The following CSMD3 variants were observed in gnomAD, a reference collection of about 807,000 sequenced individuals.
The protein encoded by CSMD3 is CUB and sushi domain-containing protein 3.
In CSMD3, 177 loss-of-function variants were observed where a neutral mutation model predicts 435.2. That is an observed-to-expected ratio of 0.41 (90% confidence interval 0.36 to 0.46). The LOEUF (loss-of-function observed/expected upper bound fraction) is 0.46. CSMD3 is among the 20% of genes least tolerant of loss of function. The pLI is 0.34. For synonymous variants in CSMD3, 1,656 were observed against 1,520.5 expected, an observed-to-expected ratio of 1.09 and a Z score of -2.07; for missense variants, 4,265 against 4,504.6, an observed-to-expected ratio of 0.95 and a Z score of 1.52.
At chr8:112,938,323 A>G (rs1183916120) in intron 9 of CSMD3, among the ~76,000 whole-genome samples, 3 of 152,174 alleles carry the variant, frequency 2.0e-5, no homozygotes, top group African/African-American at 7.2e-5. Context: ...CTTCCAACAT[A>G]CCAAAGACCA....
chr8:112,237,421 A>AT, intron 66 of CSMD3, 73 bp from the exon 67 acceptor site: 1 of 1,087,280 alleles, frequency 9.2e-7, no homozygotes, highest in South Asian at 1.3e-5. Context: ...ATAGAGTATT[A>AT]GTTTATTGAA....
chr8:112,920,989 G>GTGCA (rs55953852), intron 10 of CSMD3, among the ~76,000 whole-genome samples: 3 of 57,858 alleles, frequency 5.2e-5, no homozygotes, highest in African/African-American at 8.3e-5. Flanking sequence ...ACACACATAC[G>GTGCA]CGCGCGCGCA....
At chr8:112,999,007 T>A (rs1261196849) in intron 6 of CSMD3, among the ~76,000 whole-genome samples, 1 of 152,028 alleles carries the variant, frequency 6.6e-6, no homozygotes, top group Non-Finnish European at 1.5e-5. Context: ...CTCAGGTATT[T>A]CTTTACAGCA....
intron 13 of CSMD3, among the ~76,000 whole-genome samples, chr8:112,773,669 G>C (rs976435492): frequency 2.0e-5 from 3 of 151,970 alleles, no homozygotes; most frequent in Admixed American, 6.6e-5. Flanking sequence ...GTACACATGT[G>C]CTCTTCTAAG....
intron 67 of CSMD3, among the ~76,000 whole-genome samples, chr8:112,236,565 T>A (rs1813615781): frequency 6.6e-6 from 1 of 152,136 alleles, no homozygotes; most frequent in South Asian, 2.1e-4. Context: ...TCTGACAGCA[T>A]TTGTAATACA....
intron 27 of CSMD3, among the ~76,000 whole-genome samples, chr8:112,542,207 GA>G (rs34574338): frequency 8.4e-4 from 119 of 142,002 alleles, no homozygotes; most frequent in Middle Eastern, 3.7e-3. Flanking sequence ...ATACTGTCTG[GA>G]AAAAAAAAAA....
At chr8:112,593,326 G>C (rs551300707) in intron 22 of CSMD3, among the ~76,000 whole-genome samples, 2 of 152,134 alleles carry the variant, frequency 1.3e-5, no homozygotes, top group African/African-American at 2.4e-5. Context: ...TTGTTGTAGT[G>C]CTACAGACAG....
chr8:112,450,315 A>G (rs749124596), intron 32 of CSMD3, among the ~76,000 whole-genome samples: 7 of 152,158 alleles, frequency 4.6e-5, no homozygotes, highest in African/African-American at 1.7e-4. Flanking sequence ...AACTAATTGC[A>G]TTTTCTTACA....
chr8:113,411,502 T>A (rs1475287545), intron 1 of CSMD3, among the ~76,000 whole-genome samples: 3 of 152,206 alleles, frequency 2.0e-5, no homozygotes, highest in Non-Finnish European at 2.9e-5. Context: ...TATTATTACA[T>A]GTATTCATTC....
intron 10 of CSMD3, among the ~76,000 whole-genome samples, chr8:112,914,755 GGTACAAT>G (rs1671915689): frequency 6.6e-6 from 1 of 151,588 alleles, no homozygotes; most frequent in Non-Finnish European, 1.5e-5. Context: ...CACTTTGCGT[GGTACAAT>G]TATACATTTT....
intron 11 of CSMD3, among the ~76,000 whole-genome samples, chr8:112,851,627 G>A (rs2080490861): frequency 6.6e-6 from 1 of 152,054 alleles, no homozygotes; most frequent in African/African-American, 2.4e-5. Context: ...AGCCAGGTGT[G>A]GTGGCGTGTG....
chr8:113,104,065 T>G (rs1482181931), intron 4 of CSMD3, among the ~76,000 whole-genome samples: 1 of 151,930 alleles, frequency 6.6e-6, no homozygotes, highest in Admixed American at 6.6e-5. Flanking sequence ...ACCCAAATGG[T>G]TTTCTGTAAC....
intron 6 of CSMD3, among the ~76,000 whole-genome samples, chr8:113,018,368 C>CA (rs971575519): frequency 1.3e-5 from 2 of 151,230 alleles, no homozygotes; most frequent in African/African-American, 4.9e-5. Flanking sequence ...TTAAAAAAAA[C>CA]AAAAAACACA....
intron 59 of CSMD3, among the ~76,000 whole-genome samples, chr8:112,272,699 A>T (rs1456981727): frequency 6.6e-6 from 1 of 152,168 alleles, no homozygotes; most frequent in Non-Finnish European, 1.5e-5. Flanking sequence ...TCTACCAATC[A>T]TATATTTAAA....
At chr8:112,408,877 T>C in intron 33 of CSMD3, 42 bp downstream of exon 33, 1 of 1,613,050 alleles carries the variant, frequency 6.2e-7, no homozygotes, top group Middle Eastern at 1.7e-4. Context: ...AAAGTCAGTC[T>C]TTAATCAGTA....
intron 5 of CSMD3, among the ~76,000 whole-genome samples, chr8:113,096,352 T>G (rs2090162105): frequency 6.6e-6 from 1 of 152,178 alleles, no homozygotes. Context: ...TTATTAGAGA[T>G]ATTCTTTAGA....
chr8:112,768,113 AATCAAAACT>A (rs1263804165), intron 13 of CSMD3, among the ~76,000 whole-genome samples: 1 of 151,626 alleles, frequency 6.6e-6, no homozygotes, highest in Non-Finnish European at 1.5e-5. Flanking sequence ...TCTTTCTTTT[AATCAAAACT>A]CAGATGATTT....
At chr8:112,571,769 T>C (rs1295082901) in intron 24 of CSMD3, among the ~76,000 whole-genome samples, 1 of 151,146 alleles carries the variant, frequency 6.6e-6, no homozygotes, top group Admixed American at 6.6e-5. Flanking sequence ...CTAGGGAGGC[T>C]GAAGCAGGAG....
chr8:112,390,889 C>A, intron 35 of CSMD3, 101 bp from the exon 36 acceptor site: 1 of 1,069,920 alleles, frequency 9.3e-7, no homozygotes, highest in Non-Finnish European at 1.4e-6. Context: ...ACTAGACTTG[C>A]AAATCAAATC....
Sources: gnomAD v4.1 joint callset for allele counts (sites outside exome capture counted in the v4.1 genomes callset) on GRCh38, gnomAD v4.1.1 for gene constraint, MANE v1.5 for transcripts, NCBI Gene and HGNC (gene_info 2026-07-23, HGNC 2026-07-21) for gene names.